Variants in IQGAP2 observed in about 807,000 individuals in gnomAD.
IQGAP2 encodes the protein ras GTPase-activating-like protein IQGAP2.
A neutral mutation model predicts 201.3 loss-of-function variants in IQGAP2; 173 were observed. That is an observed-to-expected ratio of 0.86 (90% CI 0.76 to 0.98). IQGAP2 has a LOEUF of 0.98. IQGAP2 is among the 50% of genes least tolerant of loss of function. The pLI is 0.00. For missense variants in IQGAP2, 1,687 were observed against 1,864.8 expected, an observed-to-expected ratio of 0.90 and a Z score of 1.76; for synonymous variants, 675 against 673.9, an observed-to-expected ratio of 1.00 and a Z score of -0.03.
At chr5:76,684,932 G>T (rs1057269203) in intron 30 of IQGAP2, among the ~76,000 whole-genome samples, 2 of 152,048 alleles carry the variant, frequency 1.3e-5, no homozygotes, top group Non-Finnish European at 2.9e-5. Context: ...TCTTAGGCTT[G>T]TTGATTTTGT....
At chr5:76,662,756 G>A (rs1459574315) in intron 21 of IQGAP2, among the ~76,000 whole-genome samples, 1 of 152,170 alleles carries the variant, frequency 6.6e-6, no homozygotes, top group Non-Finnish European at 1.5e-5. Flanking sequence ...ACCTCTATCT[G>A]GTGGTAACTG....
At chr5:76,609,869 G>A (rs911405013) in intron 12 of IQGAP2, among the ~76,000 whole-genome samples, 3 of 149,210 alleles carry the variant, frequency 2.0e-5, no homozygotes, top group Non-Finnish European at 4.5e-5. Flanking sequence ...GTGTGTGTCT[G>A]TGTGTGCATG....
At chr5:76,685,742 C>T (rs1312488410) in intron 30 of IQGAP2, among the ~76,000 whole-genome samples, 3 of 152,186 alleles carry the variant, frequency 2.0e-5, no homozygotes, top group Admixed American at 6.5e-5. Flanking sequence ...TCTTTAATCA[C>T]CACACTATGT....
chr5:76,550,959 G>C (rs1743436231), intron 2 of IQGAP2, among the ~76,000 whole-genome samples: 2 of 146,232 alleles, frequency 1.4e-5, no homozygotes, highest in Non-Finnish European at 3.0e-5. Flanking sequence ...CTCCCTCCCG[G>C]ATGGGGCGAC....
intron 1 of IQGAP2, among the ~76,000 whole-genome samples, chr5:76,454,368 G>A (rs1213104395): frequency 6.6e-6 from 1 of 151,428 alleles, no homozygotes; most frequent in Non-Finnish European, 1.5e-5. Flanking sequence ...GTATACATGT[G>A]CCACGTTGGT....
rs140342604 is a variant in IQGAP2 at position 76,600,895 on chromosome 5, C to T, written c.1155C>T (p.Asn385=). The T allele has an allele frequency of 2.3e-5, 37 of 1,614,080 alleles. No individual in the cohort carries two copies. Among genetic ancestry groups the T allele is most frequent in the South Asian group, 2.0e-4 (18 of 91,088 alleles). The change falls in exon 11 of 36, where the codon AAC becomes AAT. Residue 385 remains asparagine, a synonymous_variant. Coordinates refer to ENST00000274364, the MANE Select transcript of IQGAP2 (RefSeq NM_006633.5). ...VALLNQALES[N]DLVSVQNQLR... is the part of the protein sequence containing the mutation. ...TACTAAACCAGGCCTTGGAAAGCAACGATCTTGTGTCTGTGCAGAATCAAC... is the reference window on the plus strand; with the variant it reads ...TACTAAACCAGGCCTTGGAAAGCAATGATCTTGTGTCTGTGCAGAATCAAC...
chr5:76,407,059 G>A (rs1225046086), intron 1 of IQGAP2, among the ~76,000 whole-genome samples: 1 of 152,044 alleles, frequency 6.6e-6, no homozygotes, highest in African/African-American at 2.4e-5. Flanking sequence ...GCTCACTGCA[G>A]CCTCAAACCT....
chr5:76,497,753 T>C (rs573892846), intron 2 of IQGAP2, among the ~76,000 whole-genome samples: 82 of 152,204 alleles, frequency 5.4e-4, no homozygotes, highest in Non-Finnish European at 9.7e-4. Context: ...TGTTGGAGAT[T>C]ACGATACCAC....
Position 76,698,140 on chromosome 5 carries a change from A to G in IQGAP2, c.4360A>G (p.Lys1454Glu). The G allele has an allele frequency of 2.5e-6, 4 of 1,573,090 alleles. No individual in the cohort carries two copies. Among genetic ancestry groups the G allele is most frequent in the Non-Finnish European group, 1.7e-6 (2 of 1,149,630 alleles). ...TYIKTCLDNL[K>E]RKNTRRSIKL... ...CATAAAGACTTGTTTAGACAACTTA[A>G]AAAGAAAGTAAGTTAAAATCATGTC... Residue 1454 changes from lysine (K) to glutamate (E), a missense_variant, in exon 33 of 36, where the codon AAA becomes GAA. By Grantham distance (56) the Lys-to-Glu change is moderately conservative. Coordinates refer to ENST00000274364, the MANE Select transcript of IQGAP2 (RefSeq NM_006633.5).
At chr5:76,686,074 T>C (rs571686637) in intron 30 of IQGAP2, among the ~76,000 whole-genome samples, 1 of 152,358 alleles carries the variant, frequency 6.6e-6, no homozygotes, top group South Asian at 2.1e-4. Context: ...TCCTTCCATA[T>C]GTTTGTCATC....
chr5:76,406,289 A>G (rs548538346), intron 1 of IQGAP2, among the ~76,000 whole-genome samples: 1 of 152,352 alleles, frequency 6.6e-6, no homozygotes, highest in Non-Finnish European at 1.5e-5. Flanking sequence ...CCTGATTTGC[A>G]CACAGGAGCA....
intron 2 of IQGAP2, among the ~76,000 whole-genome samples, chr5:76,550,675 G>A (rs1466464963): frequency 6.6e-6 from 1 of 152,162 alleles, no homozygotes; most frequent in Admixed American, 6.5e-5. Flanking sequence ...TGGGGGTAGG[G>A]TCACCGATCA....
chr5:76,585,413 AAG>A (rs1475634316), intron 5 of IQGAP2, among the ~76,000 whole-genome samples: 1 of 152,156 alleles, frequency 6.6e-6, no homozygotes, highest in Non-Finnish European at 1.5e-5. Flanking sequence ...AATTTGTAAA[AAG>A]AGGAGGAAAG....
intron 10 of IQGAP2, among the ~76,000 whole-genome samples, chr5:76,599,972 G>C (rs561828631): frequency 6.6e-6 from 1 of 152,136 alleles, no homozygotes; most frequent in Non-Finnish European, 1.5e-5. Flanking sequence ...GCTAAATCCA[G>C]ATTTTAAATC....
chr5:76,534,679 G>GATGC (rs1759515986), intron 2 of IQGAP2, among the ~76,000 whole-genome samples: 1 of 152,194 alleles, frequency 6.6e-6, no homozygotes, highest in Admixed American at 6.5e-5. Context: ...AGGTCATGAA[G>GATGC]ATGCCTTTAA....
At chr5:76,678,902 A>C (rs1745056049) in intron 28 of IQGAP2, among the ~76,000 whole-genome samples, 1 of 152,214 alleles carries the variant, frequency 6.6e-6, no homozygotes, top group African/African-American at 2.4e-5. Context: ...TCAGGGTTGA[A>C]ACAGGGAACT....
Position 76,627,463 on chromosome 5 carries a change from C to T in IQGAP2, c.1575C>T (p.Val525=), listed in dbSNP as rs746673533. The change falls in exon 14 of 36, where the codon GTC becomes GTT. Residue 525 remains valine, a synonymous_variant. Transcript: ENST00000274364. ...GGCTGGATGAGATACAGCAAGCCGT[C>T]GATGATGCCAACGTGGACAAGGACA... ...VLWLDEIQQA[V]DDANVDKDRA... 2.5e-6 allele frequency: 4 copies of T among 1,599,222 alleles called. No homozygotes were observed. Among genetic ancestry groups the T allele is most frequent in the South Asian group, 1.1e-5 (1 of 90,684 alleles).
intron 28 of IQGAP2, among the ~76,000 whole-genome samples, chr5:76,679,471 A>G (rs1414838658): frequency 1.3e-5 from 2 of 152,232 alleles, no homozygotes; most frequent in East Asian, 3.8e-4. Context: ...GTCCGTGTGC[A>G]GACACAAGCA....
At chr5:76,413,399 C>A (rs1314571236) in intron 1 of IQGAP2, among the ~76,000 whole-genome samples, 6 of 152,090 alleles carry the variant, frequency 3.9e-5, no homozygotes, top group Non-Finnish European at 8.8e-5. Flanking sequence ...GAACTCCTGA[C>A]CTCAGGTGAT....
Sources: gnomAD v4.1 joint callset for allele counts (sites outside exome capture counted in the v4.1 genomes callset) on GRCh38, gnomAD v4.1.1 for gene constraint, MANE v1.5 for transcripts, NCBI Gene and HGNC (gene_info 2026-07-23, HGNC 2026-07-21) for gene names.